Variants in UBN2 observed in about 807,000 individuals in gnomAD.
UBN2 encodes ubinuclein-2.
In UBN2, 35 loss-of-function variants were observed where a neutral mutation model predicts 120.2. That is an observed-to-expected ratio of 0.29 (90% CI 0.22 to 0.39). UBN2 has a LOEUF of 0.39. UBN2 is among the 10% of genes least tolerant of loss of function. The probability of loss-of-function intolerance (pLI) is 1.00; values close to 1 mark genes in which losing one functional copy is unlikely to be tolerated. For missense variants in UBN2, 1,693 were observed against 1,663.2 expected, an observed-to-expected ratio of 1.02 and a Z score of -0.31; for synonymous variants, 661 against 648.7, an observed-to-expected ratio of 1.02 and a Z score of -0.29.
At chr7:139,266,846 A>T (rs755353038) in intron 7 of UBN2, among the ~76,000 whole-genome samples, 1 of 152,214 alleles carries the variant, frequency 6.6e-6, no homozygotes, top group South Asian at 2.1e-4. Context: ...AGTCAAATGG[A>T]AAGTACAGTT....
At chr7:139,325,928 C>T in the UBN2 span, among the ~76,000 whole-genome samples, 170 of 152,206 alleles carry the variant, frequency 1.1e-3, no homozygotes, top group Middle Eastern at 3.4e-3. Flanking sequence ...CGGTGGCTCA[C>T]GCCTGTAATC....
Position 139,231,796 on chromosome 7 carries a change from G to A in UBN2, c.312G>A (p.Leu104=), listed in dbSNP as rs1392018458. The change falls in exon 1 of 18, where the codon TTG becomes TTA. Residue 104 remains leucine, a synonymous_variant. Transcript: ENST00000473989. ...EPPPPFPPLP[L]QPPPPRESAS... ...CGCCGCCGTTCCCGCCGCTGCCCTT[G>A]CAGCCGCCCCCGCCGCGGGAGTCGG... 10 of 1,409,180 alleles carry A rather than the reference G, an allele frequency of 7.1e-6. 2 individuals carry two copies. The South Asian group carries it at 1.2e-4, about 17-fold the overall frequency. 87.3% of individuals were successfully genotyped at this position (1,409,180 alleles called of 1,614,324 possible). A position where few individuals can be genotyped will look rare whatever the true frequency, so the allele number is the denominator to read the frequency against.
chr7:139,286,670 T>C (rs529385914), intron 15 of UBN2, among the ~76,000 whole-genome samples: 2 of 152,232 alleles, frequency 1.3e-5, no homozygotes, highest in Non-Finnish European at 2.9e-5. Context: ...TTTTATGATA[T>C]GCAAGTTCTT....
At chr7:139,240,581 C>G (rs1796294406) in intron 2 of UBN2, among the ~76,000 whole-genome samples, 2 of 151,900 alleles carry the variant, frequency 1.3e-5, no homozygotes, top group Admixed American at 1.3e-4. Context: ...CAAAATCTCT[C>G]TCTTAAACTA....
intron 3 of UBN2, 120 bp downstream of exon 3, chr7:139,252,177 G>T: frequency 1.8e-5 from 12 of 677,698 alleles, no homozygotes; most frequent in South Asian, 4.8e-5. Flanking sequence ...TTAAAGCCAT[G>T]TTCACTACTT....
the UBN2 span, among the ~76,000 whole-genome samples, chr7:139,324,279 A>G: frequency 6.6e-6 from 1 of 152,238 alleles, no homozygotes; most frequent in African/African-American, 2.4e-5. Context: ...CCAATTTTAA[A>G]AGAAACTTGG....
chr7:139,293,980 C>T lies in UBN2; in HGVS notation c.3993C>T (p.His1331=), dbSNP rs1356799705. 7 of 1,613,660 alleles carry T rather than the reference C, an allele frequency of 4.3e-6. No individual in the cohort carries two copies. Among genetic ancestry groups the T allele is most frequent in the South Asian group, 3.3e-5 (3 of 91,070 alleles). The change falls in exon 17 of 18, where the codon CAC becomes CAT. Residue 1331 remains histidine (H), a splice_region_variant and synonymous_variant. Transcript: ENST00000473989. The part of the protein sequence containing the change: ...PLPAHLQQAF[H]DGGQSKGDTK... ...CTGCACACTTACAGCAAGCATTTCA[C>T]GGTGAGAACGCCACCTCCTTCATCT...
At chr7:139,291,722 C>T (rs185780507) in intron 15 of UBN2, among the ~76,000 whole-genome samples, 209 of 151,952 alleles carry the variant, frequency 1.4e-3, no homozygotes, top group Non-Finnish European at 2.6e-3. Flanking sequence ...TGGTGGCACA[C>T]GCCTGTCTGT....
chr7:139,286,515 T>G (rs1797793763), intron 15 of UBN2, among the ~76,000 whole-genome samples: 2 of 152,190 alleles, frequency 1.3e-5, no homozygotes, highest in Non-Finnish European at 2.9e-5. Flanking sequence ...TGTATGTTCA[T>G]TGAAGGCAAA....
the UBN2 span, among the ~76,000 whole-genome samples, chr7:139,315,836 G>T: frequency 9.2e-5 from 14 of 152,150 alleles, no homozygotes; most frequent in East Asian, 5.8e-4. Flanking sequence ...CAGCACTTTG[G>T]GGGGCAGAGG....
chr7:139,299,521 T>A lies in UBN2; in HGVS notation c.*1685T>A, dbSNP rs1327867456. 6.6e-6 allele frequency: 1 copy of A among 152,140 alleles called. No homozygotes were observed. The highest frequency in any genetic ancestry group is 2.4e-5 in the African/African-American group (1 of 41,444). The allele number at this position is 152,140 out of a possible 1,614,324, so 9.4% of individuals were successfully genotyped here. ...TTCAAAGTCACATTGGCTTGCTTCATAGCGAAAAAGTTAATAAATAACTGA... is the reference window on the plus strand; with the variant it reads ...TTCAAAGTCACATTGGCTTGCTTCAAAGCGAAAAAGTTAATAAATAACTGA... On this transcript the variant is annotated 3_prime_UTR_variant, in exon 18 of 18. Coordinates refer to ENST00000473989, the MANE Select transcript of UBN2 (RefSeq NM_173569.4).
At chr7:139,326,052 C>T in the UBN2 span, among the ~76,000 whole-genome samples, 5 of 146,710 alleles carry the variant, frequency 3.4e-5, no homozygotes, top group Non-Finnish European at 7.4e-5. Context: ...TTAGCCAGTT[C>T]GATGACCAGC....
At chr7:139,262,832 G>C (rs959662653) in intron 6 of UBN2, among the ~76,000 whole-genome samples, 1 of 152,084 alleles carries the variant, frequency 6.6e-6, no homozygotes, top group African/African-American at 2.4e-5. Context: ...AGGTGGCATA[G>C]GTTTTTTTGT....
chr7:139,271,835 TAA>T, intron 8 of UBN2, among the ~76,000 whole-genome samples: 1 of 152,300 alleles, frequency 6.6e-6, no homozygotes, highest in South Asian at 2.1e-4. Context: ...ACTTGCAGCC[TAA>T]GTCAAAATTA....
At chr7:139,261,144 G>T (rs1033307946) in intron 5 of UBN2, 108 bp from the exon 6 acceptor site, 2 of 1,298,090 alleles carry the variant, frequency 1.5e-6, no homozygotes, top group Admixed American at 5.3e-5. Context: ...TAAGAAAACT[G>T]CTCTGTCACC....
At chr7:139,264,306 AT>A (rs1563213270) in intron 6 of UBN2, among the ~76,000 whole-genome samples, 1 of 151,952 alleles carries the variant, frequency 6.6e-6, no homozygotes, top group Non-Finnish European at 1.5e-5. Context: ...ATCTATGGTT[AT>A]TTTTTTCCCC....
intron 15 of UBN2, among the ~76,000 whole-genome samples, chr7:139,285,340 CA>C (rs34265373): frequency 5.3e-5 from 8 of 149,750 alleles, no homozygotes; most frequent in East Asian, 1.9e-4. Context: ...AACTTCATCT[CA>C]AAAAAAAAGG....
chr7:139,258,020 C>T (rs1411287008), intron 3 of UBN2, among the ~76,000 whole-genome samples: 2 of 152,072 alleles, frequency 1.3e-5, no homozygotes, highest in African/African-American at 2.4e-5. Context: ...GTGATCCACC[C>T]GCCTCAGCCT....
intron 15 of UBN2, among the ~76,000 whole-genome samples, chr7:139,285,152 TCG>T (rs1797746775): frequency 6.6e-6 from 1 of 152,192 alleles, no homozygotes; most frequent in Admixed American, 6.5e-5. Flanking sequence ...GTTTTCCCGT[TCG>T]TGAATTTTTA....
Sources: gnomAD v4.1 joint callset for allele counts (sites outside exome capture counted in the v4.1 genomes callset) on GRCh38, gnomAD v4.1.1 for gene constraint, MANE v1.5 for transcripts, NCBI Gene and HGNC (gene_info 2026-07-23, HGNC 2026-07-21) for gene names.